The following FOXP2 variants were observed in gnomAD, a reference collection of about 807,000 sequenced individuals.
FOXP2 encodes forkhead box P2, also known as forkhead box protein P2.
Under a neutral mutation model 115.8 loss-of-function variants are expected in FOXP2, and 12 were observed. The ratio of observed to expected loss-of-function variants is 0.10; its 90% CI spans 0.07 to 0.17. The LOEUF (loss-of-function observed/expected upper bound fraction) is 0.17, where lower values mean the gene tolerates loss of function less well. FOXP2 is among the 10% of genes least tolerant of loss of function. The pLI is 1.00. For missense variants in FOXP2, 629 were observed against 843.5 expected, an observed-to-expected ratio of 0.75 and a Z score of 3.15; for synonymous variants, 328 against 297.7, an observed-to-expected ratio of 1.10 and a Z score of -1.05.
intron 16 of FOXP2, among the ~76,000 whole-genome samples, chr7:114,673,277 T>C (rs993988878): frequency 6.6e-6 from 1 of 152,216 alleles, no homozygotes; most frequent in African/African-American, 2.4e-5. Flanking sequence ...GAGACACAAA[T>C]TGGAATGGTA....
chr7:114,146,621 C>A (rs1792376288), intron 1 of FOXP2, among the ~76,000 whole-genome samples: 1 of 152,170 alleles, frequency 6.6e-6, no homozygotes, highest in Admixed American at 6.6e-5. Flanking sequence ...GAAATTTTGA[C>A]AGCATCTTTA....
intron 2 of FOXP2, among the ~76,000 whole-genome samples, chr7:114,304,703 G>A: frequency 6.8e-6 from 1 of 147,890 alleles, no homozygotes; most frequent in South Asian, 2.1e-4. Flanking sequence ...AAAAGAGTGT[G>A]CATGTGGAAA....
At chr7:114,601,188 A>G (rs1161747675) in intron 3 of FOXP2, among the ~76,000 whole-genome samples, 1 of 150,668 alleles carries the variant, frequency 6.6e-6, no homozygotes, top group African/African-American at 2.4e-5. Context: ...CTGGTCTTGA[A>G]CTCCTGGCCT....
At chr7:114,462,188 G>T (rs1240333628) in intron 2 of FOXP2, among the ~76,000 whole-genome samples, 1 of 147,042 alleles carries the variant, frequency 6.8e-6, no homozygotes, top group Non-Finnish European at 1.5e-5. Context: ...GGCTGAGGCA[G>T]GAGAATCGCT....
chr7:114,135,977 C>CATTGA (rs1200754908), intron 1 of FOXP2, among the ~76,000 whole-genome samples: 2 of 151,956 alleles, frequency 1.3e-5, no homozygotes, highest in Non-Finnish European at 2.9e-5. Flanking sequence ...GTCTTGTATA[C>CATTGA]ACCTAATGTT....
intron 2 of FOXP2, among the ~76,000 whole-genome samples, chr7:114,337,639 T>C (rs1341817645): frequency 1.3e-5 from 2 of 151,174 alleles, no homozygotes; most frequent in African/African-American, 4.8e-5. Context: ...GTAAATGGTT[T>C]ACTTGGAGTT....
intron 2 of FOXP2, among the ~76,000 whole-genome samples, chr7:114,318,486 A>G (rs1797330014): frequency 6.6e-6 from 1 of 150,530 alleles, no homozygotes; most frequent in Non-Finnish European, 1.5e-5. Flanking sequence ...ATACAGACGT[A>G]GTAGTGAACA....
Position 114,644,797 on chromosome 7 carries a change from T to C in FOXP2, c.1094+8T>C, listed in dbSNP as rs776004218. The C allele has an allele frequency of 2.5e-6, 4 of 1,610,746 alleles. No homozygotes were observed. Among genetic ancestry groups the C allele is most frequent in the Non-Finnish European group, 1.7e-6 (2 of 1,177,400 alleles). On this transcript the variant is annotated splice_region_variant and intron_variant, in intron 8 of 16. Coordinates refer to ENST00000350908, the MANE Select transcript of FOXP2 (RefSeq NM_014491.4). ...TTTTGGACAGTTTTTAAAGTAGGTTTTTTACTTTTTTTTGGTGGGGGGCGG... is the reference window on the plus strand; with the variant it reads ...TTTTGGACAGTTTTTAAAGTAGGTTCTTTACTTTTTTTTGGTGGGGGGCGG...
At chr7:114,344,514 T>G (rs1256992816) in intron 2 of FOXP2, among the ~76,000 whole-genome samples, 1 of 151,828 alleles carries the variant, frequency 6.6e-6, no homozygotes, top group Non-Finnish European at 1.5e-5. Flanking sequence ...CTATTTCGGT[T>G]AATCAGTGTT....
chr7:114,424,592 T>C (rs1793757777), intron 1 of FOXP2, among the ~76,000 whole-genome samples: 1 of 151,534 alleles, frequency 6.6e-6, no homozygotes, highest in African/African-American at 2.4e-5. Flanking sequence ...TTATGCCTAA[T>C]TTGAATACTT....
chr7:114,615,608 C>T (rs1803898776), intron 3 of FOXP2, among the ~76,000 whole-genome samples: 1 of 152,230 alleles, frequency 6.6e-6, no homozygotes, highest in Non-Finnish European at 1.5e-5. Flanking sequence ...AGCCTCCTCA[C>T]TGTGCCTTCA....
intron 3 of FOXP2, among the ~76,000 whole-genome samples, chr7:114,619,860 C>T (rs1455524117): frequency 6.6e-6 from 1 of 151,982 alleles, no homozygotes; most frequent in Non-Finnish European, 1.5e-5. Flanking sequence ...AATGATATCA[C>T]CAAATCAGAA....
chr7:114,423,273 G>A (rs1793696280), intron 1 of FOXP2, among the ~76,000 whole-genome samples: 1 of 151,648 alleles, frequency 6.6e-6, no homozygotes, highest in East Asian at 1.9e-4. Context: ...TGTTTAGGAA[G>A]AGAAAATGCA....
chr7:114,131,382 A>G (rs1405111707), intron 1 of FOXP2, among the ~76,000 whole-genome samples: 4 of 152,110 alleles, frequency 2.6e-5, no homozygotes. Context: ...ATTCTTTGTA[A>G]CTTCCTCATG....
intron 1 of FOXP2, among the ~76,000 whole-genome samples, chr7:114,207,555 T>G (rs1205221496): frequency 3.3e-5 from 5 of 152,208 alleles, no homozygotes; most frequent in African/African-American, 1.2e-4. Flanking sequence ...TTGAATAATA[T>G]TCACAATAAT....
chr7:114,241,529 T>C (rs540610387), intron 1 of FOXP2, among the ~76,000 whole-genome samples: 1 of 152,210 alleles, frequency 6.6e-6, no homozygotes, highest in East Asian at 1.9e-4. Context: ...CAGATGATAT[T>C]GCATACAGAT....
chr7:114,574,543 T>C (rs1013683273), intron 3 of FOXP2, among the ~76,000 whole-genome samples: 4 of 151,864 alleles, frequency 2.6e-5, no homozygotes, highest in African/African-American at 9.7e-5. Context: ...AGATTCTAAA[T>C]TTCACAATCT....
At chr7:114,516,933 A>G (rs1412081323) in intron 2 of FOXP2, among the ~76,000 whole-genome samples, 1 of 151,908 alleles carries the variant, frequency 6.6e-6, no homozygotes, top group Non-Finnish European at 1.5e-5. Flanking sequence ...TGACCTCATG[A>G]TCCACCTGCC....
chr7:114,453,096 G>T (rs1163261462), intron 2 of FOXP2, among the ~76,000 whole-genome samples: 1 of 152,092 alleles, frequency 6.6e-6, no homozygotes, highest in East Asian at 1.9e-4. Context: ...TGGGAAATTT[G>T]AAGTCTGGTA....
Sources: allele counts gnomAD v4.1 joint callset (sites outside exome capture counted in the v4.1 genomes callset), GRCh38; gene constraint gnomAD v4.1.1; transcripts MANE v1.5; gene names NCBI Gene and HGNC (gene_info 2026-07-23, HGNC 2026-07-21).